FDX1: variants seen among roughly 807,000 people sequenced by gnomAD.
FDX1 encodes adrenodoxin, mitochondrial.
Under a neutral mutation model 14.9 loss-of-function variants are expected in FDX1, and 9 were observed. The observed-to-expected ratio is 0.60, with a 90% CI of 0.36 to 1.05. The LOEUF is 1.05. Ranked by LOEUF, FDX1 falls within the 50% of genes least tolerant of loss-of-function variation. FDX1 has a pLI of 0.01. For missense variants in FDX1, 204 were observed against 237.2 expected (o/e 0.86, Z 0.92); for synonymous variants, 92 against 99.4 (o/e 0.93, Z 0.44).
intron 1 of FDX1, among the ~76,000 whole-genome samples, chr11:110,434,580 G>T (rs1185998707): frequency 6.6e-6 from 1 of 151,940 alleles, no homozygotes; most frequent in Non-Finnish European, 1.5e-5. Flanking sequence ...TAATCCGCCC[G>T]CCTTGGCCTC....
rs567132307 is a variant in FDX1, at chr11:110,459,897, G to A, written c.441-2457G>A. On this transcript the variant is annotated intron_variant, in intron 3 of 3. Transcript: ENST00000260270. ...AGACTGAGCAGGAGCTTTTTGTTCC[G>A]TCTCTTTCTGTGTTCCCATAACAGA... Among the ~76,000 whole-genome samples the A allele has an allele frequency of 2.0e-5, 3 of 152,160 alleles. No individual in the cohort carries two copies. The South Asian group carries it at 6.2e-4, about 32-fold the overall frequency.
At chr11:110,441,069 C>G (rs1946401529) in intron 2 of FDX1, among the ~76,000 whole-genome samples, 1 of 152,214 alleles carries the variant, frequency 6.6e-6, no homozygotes, top group African/African-American at 2.4e-5. Context: ...CCTGCACAAG[C>G]TCTCTGCATG....
At chr11:110,451,307 T>G (rs991352933) in intron 2 of FDX1, among the ~76,000 whole-genome samples, 1 of 152,188 alleles carries the variant, frequency 6.6e-6, no homozygotes, top group Non-Finnish European at 1.5e-5. Context: ...TTATAGCTTG[T>G]TTTTTGGGAT....
intron 2 of FDX1, among the ~76,000 whole-genome samples, chr11:110,438,163 G>A (rs547408751): frequency 6.6e-6 from 1 of 152,148 alleles, no homozygotes; most frequent in Non-Finnish European, 1.5e-5. Context: ...GGATTGCTTG[G>A]TTGAATGGTA....
intron 1 of FDX1, among the ~76,000 whole-genome samples, chr11:110,431,548 C>T (rs1013519811): frequency 9.9e-5 from 15 of 152,116 alleles, no homozygotes; most frequent in African/African-American, 3.1e-4. Flanking sequence ...AGAAGGCAAG[C>T]CAGATTTATT....
rs1010611030 is a variant in FDX1, at chr11:110,433,611, T to G, written c.186-2223T>G. Among the ~76,000 whole-genome samples, 29 of 152,202 alleles carry G rather than the reference T, an allele frequency of 1.9e-4. 1 individual carries two copies. The highest frequency in any genetic ancestry group is 5.5e-4 in the African/African-American group (23 of 41,458). On this transcript the variant is annotated intron_variant, in intron 1 of 3. Transcript: ENST00000260270. The stretch of plus-strand genomic sequence containing the variant: ...GTATTTTCATTCTCAGCCATTGTAC[T>G]TTGAAAAAAATGGCAGTTATTCATG...
In FDX1 at chr11:110,430,249, G is replaced by C. The variant is rs938186966; in HGVS notation, c.129G>C (p.Pro43=). 1.7e-6 allele frequency: 2 copies of C among 1,205,452 alleles called. No homozygotes were observed. The highest frequency in any genetic ancestry group is 2.1e-6 in the Non-Finnish European group (2 of 970,990). 74.7% of individuals were successfully genotyped at this position (1,205,452 alleles called of 1,614,324 possible). A position where few individuals can be genotyped will look rare whatever the true frequency, so the allele number is the denominator to read the frequency against. The change falls in exon 1 of 4, where the codon CCG becomes CCC. Residue 43 remains proline (P), a synonymous_variant. Coordinates refer to ENST00000260270, the MANE Select transcript of FDX1 (RefSeq NM_004109.5). ...GSSGLLRNRG[P]GGSAEASRSL... is the part of the protein sequence containing the mutation. ...GCGGCCTGCTGAGGAACCGGGGGCCGGGCGGGAGCGCGGAGGCGAGCCGGT... is the reference window on the plus strand; with the variant it reads ...GCGGCCTGCTGAGGAACCGGGGGCCCGGCGGGAGCGCGGAGGCGAGCCGGT...
At chr11:110,453,302 C>T (rs1404894458) in intron 2 of FDX1, among the ~76,000 whole-genome samples, 1 of 152,168 alleles carries the variant, frequency 6.6e-6, no homozygotes, top group Non-Finnish European at 1.5e-5. Flanking sequence ...CGCACCATTA[C>T]ACTCCAGTCC....
chr11:110,438,588 G>A (rs935374569), intron 2 of FDX1, among the ~76,000 whole-genome samples: 19 of 152,068 alleles, frequency 1.2e-4, no homozygotes, highest in African/African-American at 4.3e-4. Flanking sequence ...ACCACGGCTA[G>A]CAAATTTTTA....
At chr11:110,453,111 C>G (rs1002395797) in intron 2 of FDX1, among the ~76,000 whole-genome samples, 1 of 152,026 alleles carries the variant, frequency 6.6e-6, no homozygotes, top group African/African-American at 2.4e-5. Context: ...CTGAGGCAGG[C>G]AGATCACCTG....
chr11:110,454,046 T>A (rs1315459401), intron 2 of FDX1, among the ~76,000 whole-genome samples: 1 of 152,244 alleles, frequency 6.6e-6, no homozygotes, highest in Non-Finnish European at 1.5e-5. Flanking sequence ...ATGAATGTGA[T>A]GTGTTCATTT....
At chr11:110,440,931 A>G (rs1298294554) in intron 2 of FDX1, among the ~76,000 whole-genome samples, 1 of 152,208 alleles carries the variant, frequency 6.6e-6, no homozygotes, top group Non-Finnish European at 1.5e-5. Context: ...TCTCATCTTG[A>G]ATTCCCACCT....
At chr11:110,455,079 T>C (rs1946513626) in intron 2 of FDX1, among the ~76,000 whole-genome samples, 1 of 152,240 alleles carries the variant, frequency 6.6e-6, no homozygotes, top group Non-Finnish European at 1.5e-5. Context: ...CAATCTCGGC[T>C]CACTGCATCC....
At chr11:110,451,008 G>T (rs879307034) in intron 2 of FDX1, among the ~76,000 whole-genome samples, 50 of 151,900 alleles carry the variant, frequency 3.3e-4, no homozygotes, top group Non-Finnish European at 2.2e-4. Context: ...CCCATATTGT[G>T]ATCAGCTGCA....
rs377668631 is a variant in FDX1, at chr11:110,432,074, T to C, written c.185+1769T>C. Among the ~76,000 whole-genome samples, 5 of 152,200 alleles carry C rather than the reference T, an allele frequency of 3.3e-5. No homozygotes were observed. In the East Asian group the frequency reaches 9.6e-4, roughly 29 times the overall value. On this transcript the variant is annotated intron_variant, in intron 1 of 3. Coordinates refer to ENST00000260270, the MANE Select transcript of FDX1 (RefSeq NM_004109.5). ...TGGCTACTGTATTGGACATTGCAAG[T>C]ATGTGTAGAACATCTTTGTTATGGC...
At chr11:110,457,172 G>A in intron 3 of FDX1, 125 bp downstream of exon 3, 1 of 768,420 alleles carries the variant, frequency 1.3e-6, no homozygotes, top group Non-Finnish European at 2.0e-6. Flanking sequence ...AACAGTCACA[G>A]ATTTTGAGTA....
At chr11:110,433,736 T>C (rs1294269122) in intron 1 of FDX1, among the ~76,000 whole-genome samples, 1 of 151,600 alleles carries the variant, frequency 6.6e-6, no homozygotes, top group Non-Finnish European at 1.5e-5. Flanking sequence ...AACATTCTGG[T>C]ACACACACAC....
rs77165361 is a variant in FDX1 at position 110,430,432 on chromosome 11, C to A, written c.185+127C>A. ...GCCGGGCCCACACCCCGGAGGCCTG[C>A]CTCTCGCCCCCCTCTTCTGGGGTGC... is the stretch of plus-strand genomic sequence containing the variant. On this transcript the variant is annotated intron_variant, in intron 1 of 3. Transcript: ENST00000260270. The A allele has an allele frequency of 0.012, 6,355 of 543,394 alleles. 433 individuals carry two copies. The East Asian group carries it at 0.17, about 15-fold the overall frequency. The allele number at this position is 543,394 out of a possible 1,614,324, so 33.7% of individuals were successfully genotyped here.
intron 2 of FDX1, 66 bp downstream of exon 2, chr11:110,436,024 G>GTGT: frequency 8.3e-7 from 1 of 1,207,972 alleles, no homozygotes; most frequent in Non-Finnish European, 1.1e-6. Context: ...TTATTTTGTG[G>GTGT]TTTTTTTTTT....
Sources: gnomAD v4.1 joint callset for allele counts (sites outside exome capture counted in the v4.1 genomes callset) on GRCh38, gnomAD v4.1.1 for gene constraint, MANE v1.5 for transcripts, NCBI Gene and HGNC (gene_info 2026-07-23, HGNC 2026-07-21) for gene names.